Variants in SHISA6 observed in about 807,000 individuals in gnomAD.
SHISA6 encodes the protein shisa family member 6, also known as protein shisa-6.
Under a neutral mutation model 47.9 loss-of-function variants are expected in SHISA6, and 22 were observed. That is an observed-to-expected ratio of 0.46 (90% CI 0.33 to 0.66). The LOEUF is 0.66. Among genes scored for constraint, SHISA6 ranks in the 30% least tolerant of loss-of-function variants. The pLI, the probability that SHISA6 is intolerant of heterozygous loss-of-function variation, is 0.02. For missense variants in SHISA6, 680 were observed against 764.6 expected, an observed-to-expected ratio of 0.89 and a Z score of 1.30; for synonymous variants, 388 against 337.8, an observed-to-expected ratio of 1.15 and a Z score of -1.63.
intron 3 of SHISA6, among the ~76,000 whole-genome samples, chr17:11,522,295 G>T (rs929318882): frequency 6.6e-6 from 1 of 151,930 alleles, no homozygotes; most frequent in Non-Finnish European, 1.5e-5. Flanking sequence ...TTACAGGGTC[G>T]CTTTGTCGCC....
At chr17:11,481,659 A>T (rs1424383387) in intron 3 of SHISA6, among the ~76,000 whole-genome samples, 1 of 151,640 alleles carries the variant, frequency 6.6e-6, no homozygotes, top group Admixed American at 6.6e-5. Context: ...CGCCTGGCTA[A>T]TTTTTGTATT....
At chr17:11,470,054 C>T (rs2969234) in intron 3 of SHISA6, among the ~76,000 whole-genome samples, 71,393 of 152,012 alleles carry the variant, frequency 0.47, 18,810 homozygotes, top group African/African-American at 0.72. Context: ...GTGAGGACAC[C>T]GCAAGAAGTT....
chr17:11,458,100 A>G (rs2142311385), intron 3 of SHISA6, among the ~76,000 whole-genome samples: 1 of 152,014 alleles, frequency 6.6e-6, no homozygotes, highest in African/African-American at 2.4e-5. Flanking sequence ...AAAAAAAAAA[A>G]AATAGAATGC....
At chr17:11,383,298 C>T (rs1913084312) in intron 3 of SHISA6, among the ~76,000 whole-genome samples, 1 of 152,152 alleles carries the variant, frequency 6.6e-6, no homozygotes, top group Non-Finnish European at 1.5e-5. Flanking sequence ...CGTCTAGCAT[C>T]AGCGGGGGCT....
At chr17:11,317,144 A>G (rs756189886) in intron 2 of SHISA6, among the ~76,000 whole-genome samples, 2 of 151,998 alleles carry the variant, frequency 1.3e-5, no homozygotes, top group South Asian at 2.1e-4. Context: ...TGTATAATTT[A>G]TATATCTTAT....
intron 3 of SHISA6, among the ~76,000 whole-genome samples, chr17:11,421,511 C>T (rs1914451365): frequency 6.6e-6 from 1 of 152,170 alleles, no homozygotes; most frequent in African/African-American, 2.4e-5. Context: ...AGGTCTTGTA[C>T]TCCTAGCCAT....
At chr17:11,412,008 G>A (rs932210859) in intron 3 of SHISA6, among the ~76,000 whole-genome samples, 5 of 152,114 alleles carry the variant, frequency 3.3e-5, no homozygotes, top group Non-Finnish European at 7.4e-5. Flanking sequence ...GATATTTGGG[G>A]AAGATAAGAA....
intron 4 of SHISA6, among the ~76,000 whole-genome samples, chr17:11,554,658 T>C (rs1341074181): frequency 6.6e-6 from 1 of 152,170 alleles, no homozygotes; most frequent in African/African-American, 2.4e-5. Flanking sequence ...AGCGAGACTA[T>C]AGCCTTCCAA....
intron 3 of SHISA6, among the ~76,000 whole-genome samples, chr17:11,443,045 T>G (rs896400132): frequency 2.8e-4 from 42 of 152,192 alleles, no homozygotes; most frequent in African/African-American, 9.7e-4. Context: ...GGGCCAACGA[T>G]TACGCTGTCT....
rs555030754 is a variant in SHISA6, at chr17:11,451,087, C to T, written c.895+71578C>T. Among the ~76,000 whole-genome samples the T allele has an allele frequency of 4.6e-5, 7 of 151,750 alleles. No homozygotes were observed. The South Asian group carries it at 1.3e-3, about 27-fold the overall frequency. ...GGAAAGAGGTCAGACTGTGGGGCTT[C>T]GGGAGAAGCTGGGAAATGAGGAAGC... On this transcript the variant is annotated intron_variant, in intron 3 of 5. Transcript: ENST00000441885.
chr17:11,351,722 A>G (rs1257055093), intron 2 of SHISA6, among the ~76,000 whole-genome samples: 2 of 152,356 alleles, frequency 1.3e-5, no homozygotes, highest in Middle Eastern at 3.4e-3. Flanking sequence ...CCCTAAGCAC[A>G]TATTTGTAGC....
chr17:11,354,969 A>T (rs1912034529), intron 2 of SHISA6, among the ~76,000 whole-genome samples: 1 of 152,212 alleles, frequency 6.6e-6, no homozygotes, highest in South Asian at 2.1e-4. Context: ...AGCAAAATGA[A>T]AATATATGTA....
chr17:11,535,287 G>A (rs2071777517), intron 3 of SHISA6, among the ~76,000 whole-genome samples: 1 of 152,122 alleles, frequency 6.6e-6, no homozygotes, highest in South Asian at 2.1e-4. Context: ...CAGAAAAAGA[G>A]CACTCATTGC....
chr17:11,375,787 G>A (rs1912779192), intron 2 of SHISA6, among the ~76,000 whole-genome samples: 1 of 152,192 alleles, frequency 6.6e-6, no homozygotes, highest in Non-Finnish European at 1.5e-5. Flanking sequence ...GGCAGCCTGA[G>A]CAGCGACTGA....
intron 2 of SHISA6, among the ~76,000 whole-genome samples, chr17:11,286,382 T>C (rs1909300164): frequency 6.6e-6 from 1 of 152,136 alleles, no homozygotes; most frequent in Non-Finnish European, 1.5e-5. Flanking sequence ...TTTGACCACC[T>C]ACGGAAGCCT....
At chr17:11,426,705 T>G (rs997590556) in intron 3 of SHISA6, among the ~76,000 whole-genome samples, 1 of 152,148 alleles carries the variant, frequency 6.6e-6, no homozygotes, top group Non-Finnish European at 1.5e-5. Context: ...TAAATAGAGA[T>G]TTTTTACATG....
rs982713482 is a variant in SHISA6 at position 11,263,464 on chromosome 17, C to T, written c.737C>T (p.Thr246Met). Residue 246 changes from threonine to methionine, a missense_variant, in exon 2 of 6, where the codon ACG becomes ATG. By Grantham distance (81) the Thr-to-Met change is moderately conservative. Transcript: ENST00000441885. ...ATCGATACCTCTCCCAAAGAGAACA[C>T]GCCGGTCAGATCGTCCTCCAAAAAC... ...SAIDTSPKEN[T>M]PVRSSSKNHY... 2.4e-5 allele frequency: 38 copies of T among 1,551,688 alleles called. No homozygotes were observed. The highest frequency in any genetic ancestry group is 1.7e-4 in the Middle Eastern group (1 of 6,016).
At chr17:11,300,875 C>A (rs1909902560) in intron 2 of SHISA6, among the ~76,000 whole-genome samples, 1 of 150,580 alleles carries the variant, frequency 6.6e-6, no homozygotes, top group African/African-American at 2.4e-5. Context: ...CCCCACCCTC[C>A]CGCCCCATCT....
chr17:11,294,946 T>TA (rs766955156), intron 2 of SHISA6, among the ~76,000 whole-genome samples: 41 of 152,156 alleles, frequency 2.7e-4, no homozygotes, highest in Non-Finnish European at 5.4e-4. Flanking sequence ...TTGGAACCAT[T>TA]AAGAAGCAAA....
Sources: allele counts gnomAD v4.1 joint callset (sites outside exome capture counted in the v4.1 genomes callset), GRCh38; gene constraint gnomAD v4.1.1; transcripts MANE v1.5; gene names NCBI Gene and HGNC (gene_info 2026-07-23, HGNC 2026-07-21).